WAC: variants seen among roughly 807,000 people sequenced by gnomAD.
The protein encoded by WAC is WW domain-containing adapter protein with coiled-coil.
WAC carries 11 observed loss-of-function variants against 79.6 expected under a neutral mutation model. That is an observed-to-expected ratio of 0.14 (90% CI 0.09 to 0.23). The LOEUF (loss-of-function observed/expected upper bound fraction) is 0.23. Ranked by LOEUF, WAC falls within the 10% of genes least tolerant of loss-of-function variation. The pLI, the probability that WAC is intolerant of heterozygous loss-of-function variation, is 1.00. For synonymous variants in WAC, 304 were observed against 276.9 expected (o/e 1.10, Z -0.97); for missense variants, 728 against 773.5 (o/e 0.94, Z 0.70).
intron 1 of WAC, 43 bp from the exon 2 acceptor site, chr10:28,533,955 C>T (rs924944105): frequency 1.4e-5 from 22 of 1,603,036 alleles, no homozygotes; most frequent in Non-Finnish European, 1.8e-5. Flanking sequence ...GCCCCCCACC[C>T]GCGCCGTGTC....
chr10:28,557,612 T>C (rs889823293), intron 3 of WAC, among the ~76,000 whole-genome samples: 1 of 152,090 alleles, frequency 6.6e-6, no homozygotes, highest in African/African-American at 2.4e-5. Flanking sequence ...GAGGATTGCT[T>C]GAGCCTAGGA....
intron 3 of WAC, among the ~76,000 whole-genome samples, chr10:28,556,388 A>ATTTTTTTTT (rs764934182): frequency 0.021 from 1,149 of 55,056 alleles, 208 homozygotes; most frequent in Middle Eastern, 0.079. Context: ...TGCCCATTAA[A>ATTTTTTTTT]TTTTTTTTTT....
chr10:28,605,000 G>T (rs1446267858), intron 7 of WAC, among the ~76,000 whole-genome samples: 1 of 152,098 alleles, frequency 6.6e-6, no homozygotes, highest in Non-Finnish European at 1.5e-5. Context: ...GTAGATTGAG[G>T]CATGTAACAT....
intron 3 of WAC, among the ~76,000 whole-genome samples, chr10:28,559,136 ATGTGTG>A (rs111740298): frequency 1.2e-4 from 17 of 146,762 alleles, no homozygotes; most frequent in South Asian, 2.2e-4. Context: ...GAGAAACCTG[ATGTGTG>A]TGTGTGTGTG....
At position 28,565,052 on chromosome 10, in the gene WAC, C is replaced by T. The variant is rs148973536; in HGVS notation, c.275-18347C>T. On this transcript the variant is annotated intron_variant, in intron 3 of 13. Coordinates refer to ENST00000354911, the MANE Select transcript of WAC (RefSeq NM_016628.5). Reference sequence around the variant, plus strand: ...CTGTTCTCAGCCTCTCTAGTTTTGTCATTTCAGGAATGTGTTATGTATAAA... The same window carrying T: ...CTGTTCTCAGCCTCTCTAGTTTTGTTATTTCAGGAATGTGTTATGTATAAA... 3.3e-4 allele frequency among the ~76,000 whole-genome samples: 51 copies of T among 152,322 alleles called. No individual in the cohort carries two copies. The East Asian group carries it at 9.5e-3, about 28-fold the overall frequency.
chr10:28,537,165 G>T (rs1174303548), intron 3 of WAC, among the ~76,000 whole-genome samples: 1 of 152,198 alleles, frequency 6.6e-6, no homozygotes, highest in Non-Finnish European at 1.5e-5. Context: ...ATAGCTTAGT[G>T]CTATTTATGC....
In WAC at chr10:28,533,524, C is replaced by G; in HGVS notation, c.-56C>G. On this transcript the variant is annotated 5_prime_UTR_variant, in exon 1 of 14. Transcript: ENST00000354911. ...CGCCGCCGCCGCCTGCGCGCCCGCC[C>G]GCCTTTCGCGGCCGCTCTCCCCCCT... 1 of 1,202,186 alleles carries G rather than the reference C, an allele frequency of 8.3e-7. No individual in the cohort carries two copies. Among genetic ancestry groups the G allele is most frequent in the Non-Finnish European group, 1.1e-6 (1 of 941,530 alleles). 74.5% of individuals were successfully genotyped at this position (1,202,186 alleles called of 1,614,324 possible).
chr10:28,576,844 ATATT>A (rs1839269602), intron 3 of WAC, among the ~76,000 whole-genome samples: 1 of 152,168 alleles, frequency 6.6e-6, no homozygotes, highest in African/African-American at 2.4e-5. Flanking sequence ...AATTTCAATT[ATATT>A]TATTATTTAA....
chr10:28,559,572 ACAAG>A (rs1838196114), intron 3 of WAC, among the ~76,000 whole-genome samples: 1 of 152,166 alleles, frequency 6.6e-6, no homozygotes, highest in Admixed American at 6.5e-5. Flanking sequence ...AGCATTTGTG[ACAAG>A]CAAGTTTGTA....
At chr10:28,559,369 C>T (rs373785055) in intron 3 of WAC, among the ~76,000 whole-genome samples, 9 of 152,076 alleles carry the variant, frequency 5.9e-5, no homozygotes, top group Non-Finnish European at 8.8e-5. Flanking sequence ...AATGTCCAGG[C>T]CTTATGGTGA....
intron 3 of WAC, among the ~76,000 whole-genome samples, chr10:28,565,186 C>G (rs189763009): frequency 6.6e-6 from 1 of 152,160 alleles, no homozygotes. Context: ...TTTGAATGTC[C>G]CACAATTTGT....
intron 3 of WAC, among the ~76,000 whole-genome samples, chr10:28,564,013 A>G (rs922435124): frequency 6.6e-5 from 10 of 152,086 alleles, no homozygotes; most frequent in Non-Finnish European, 1.3e-4. Flanking sequence ...GTGGTGGCTC[A>G]TGCCTGTAAC....
chr10:28,605,890 T>C (rs1840916341), intron 7 of WAC, among the ~76,000 whole-genome samples: 1 of 152,196 alleles, frequency 6.6e-6, no homozygotes, highest in South Asian at 2.1e-4. Context: ...GTTTAATTCA[T>C]GCAGTAAGTA....
At position 28,619,646 on chromosome 10, in the gene WAC, G is replaced by A. The variant is rs750930190; in HGVS notation, c.*40G>A. 2 of 1,508,402 alleles carry A rather than the reference G, an allele frequency of 1.3e-6. No homozygotes were observed. The highest frequency in any genetic ancestry group is 1.3e-5 in the South Asian group (1 of 78,626). 93.4% of individuals were successfully genotyped at this position (1,508,402 alleles called of 1,614,324 possible). On this transcript the variant is annotated 3_prime_UTR_variant, in exon 14 of 14. Transcript: ENST00000354911. ...GCACATGGTTTTGAGAACAGGAACT[G>A]TAAATCTGTTGCCCAATCTTAACAT...
intron 3 of WAC, among the ~76,000 whole-genome samples, chr10:28,545,227 C>T (rs983567361): frequency 6.6e-6 from 1 of 152,090 alleles, no homozygotes; most frequent in African/African-American, 2.4e-5. Flanking sequence ...CACAGTGGGT[C>T]ATGCACGTAA....
intron 3 of WAC, among the ~76,000 whole-genome samples, chr10:28,563,208 C>G (rs1301602210): frequency 6.6e-6 from 1 of 152,056 alleles, no homozygotes; most frequent in Non-Finnish European, 1.5e-5. Flanking sequence ...TGTGGCCGAG[C>G]ATTTTAGCAT....
In WAC at chr10:28,534,072, C is replaced by T. The variant is rs1300273377; in HGVS notation, c.78+38C>T. 2.6e-6 allele frequency: 4 copies of T among 1,551,000 alleles called. No homozygotes were observed. In the Admixed American group the frequency reaches 7.9e-5, roughly 31 times the overall value. On this transcript the variant is annotated intron_variant, in intron 2 of 13. Transcript: ENST00000354911. ...GCCGGGGTGGAGGGATTGGAAGGGG[C>T]CGGAGGGGGAAGGGAGGGACTGCTA...
At chr10:28,541,415 G>GTTTTTT (rs143772149) in intron 3 of WAC, among the ~76,000 whole-genome samples, 713 of 37,860 alleles carry the variant, frequency 0.019, 175 homozygotes, top group South Asian at 0.028. Context: ...GTGTGTGTGT[G>GTTTTTT]TTTTGTTTTT....
At chr10:28,618,221 T>C (rs332177) in intron 13 of WAC, among the ~76,000 whole-genome samples, 127,268 of 152,116 alleles carry the variant, frequency 0.84, 53,354 homozygotes, top group East Asian at 0.94. Context: ...TCTTGTCTTG[T>C]ATTTCTTAAT....
Sources: gnomAD v4.1 joint callset for allele counts (sites outside exome capture counted in the v4.1 genomes callset) on GRCh38, gnomAD v4.1.1 for gene constraint, MANE v1.5 for transcripts, NCBI Gene and HGNC (gene_info 2026-07-23, HGNC 2026-07-21) for gene names.